The following LCORL variants were observed in gnomAD, a reference collection of about 807,000 sequenced individuals.
LCORL encodes the protein ligand-dependent nuclear receptor corepressor-like protein.
Under a neutral mutation model 141.8 loss-of-function variants are expected in LCORL, and 41 were observed. The ratio of observed to expected loss-of-function variants is 0.29; its 90% confidence interval spans 0.23 to 0.38. LCORL has a LOEUF of 0.38. Among genes scored for constraint, LCORL ranks in the 10% least tolerant of loss-of-function variants. The pLI, the probability that LCORL is intolerant of heterozygous loss-of-function variation, is 1.00. For missense variants in LCORL, 1,759 were observed against 2,035.0 expected (o/e 0.86, Z 2.61); for synonymous variants, 618 against 694.1 (o/e 0.89, Z 1.72).
intron 5 of LCORL, among the ~76,000 whole-genome samples, chr4:17,891,729 A>G (rs1729107869): frequency 6.6e-6 from 1 of 152,234 alleles, no homozygotes; most frequent in African/African-American, 2.4e-5. Flanking sequence ...TTTGATATAC[A>G]GATGATGTAA....
chr4:17,952,657 C>T (rs945365621), intron 4 of LCORL, among the ~76,000 whole-genome samples: 6 of 152,056 alleles, frequency 3.9e-5, no homozygotes, highest in South Asian at 2.1e-4. Flanking sequence ...CCTCGTGATC[C>T]GCCCGCCTCG....
chr4:17,942,571 C>T (rs942649585), intron 4 of LCORL, among the ~76,000 whole-genome samples: 1 of 152,094 alleles, frequency 6.6e-6, no homozygotes, highest in Admixed American at 6.5e-5. Flanking sequence ...AGGATAATTA[C>T]AGAGGCACAG....
At chr4:17,931,525 T>C (rs916031935) in intron 4 of LCORL, among the ~76,000 whole-genome samples, 2 of 152,094 alleles carry the variant, frequency 1.3e-5, no homozygotes, top group African/African-American at 2.4e-5. Flanking sequence ...TTTGTCATTA[T>C]CAATATTTTG....
chr4:17,881,349 C>A, intron 6 of LCORL: 1 of 981,796 alleles, frequency 1.0e-6, no homozygotes, highest in Middle Eastern at 5.2e-4. Flanking sequence ...AATAGAATCA[C>A]TGGGGAGAAG....
intron 1 of LCORL, among the ~76,000 whole-genome samples, chr4:18,006,568 C>T (rs965215013): frequency 1.3e-5 from 2 of 152,098 alleles, no homozygotes; most frequent in African/African-American, 4.8e-5. Flanking sequence ...ATGGGATTTA[C>T]AGTTTGAAGT....
rs545578881 is a variant in LCORL at position 17,850,548 on chromosome 4, C to T, written c.5603-4647G>A. ...AAAAATGCTCACCATCACTGGCCAT[C>T]AGAGAAATGCAAATCAAAACCAGAA... is the stretch of plus-strand genomic sequence containing the variant. On this transcript the variant is annotated intron_variant, in intron 7 of 7. Transcript: ENST00000635767. Among the ~76,000 whole-genome samples the T allele has an allele frequency of 3.7e-3, 567 of 152,324 alleles. 7 individuals carry two copies. The highest frequency in any genetic ancestry group is 0.013 in the African/African-American group (545 of 41,560).
At chr4:17,893,505 G>A (rs1304040542) in intron 5 of LCORL, 4 of 985,226 alleles carry the variant, frequency 4.1e-6, no homozygotes, top group Non-Finnish European at 4.8e-6. Context: ...TGAGCACTGC[G>A]AGTGTGTTTT....
intron 1 of LCORL, among the ~76,000 whole-genome samples, chr4:17,978,176 T>C (rs938581563): frequency 1.3e-5 from 2 of 152,230 alleles, no homozygotes; most frequent in African/African-American, 4.8e-5. Context: ...CTTTTTTGCA[T>C]ATCTAATACT....
chr4:17,987,075 T>C lies in LCORL; in HGVS notation c.155-14190A>G, dbSNP rs1010033236. On this transcript the variant is annotated intron_variant, in intron 1 of 7. Coordinates refer to ENST00000635767, the Ensembl canonical transcript of LCORL. ...GGTTTTCACATGTGGTTCTTTAATATAGTGGAATTAATTTTCTTATAAACT... is the reference window on the plus strand; with the variant it reads ...GGTTTTCACATGTGGTTCTTTAATACAGTGGAATTAATTTTCTTATAAACT... Among the ~76,000 whole-genome samples, 5 of 152,302 alleles carry C rather than the reference T, an allele frequency of 3.3e-5. No homozygotes were observed. The South Asian group carries it at 6.2e-4, about 19-fold the overall frequency.
At chr4:17,933,178 G>A (rs912544625) in intron 4 of LCORL, among the ~76,000 whole-genome samples, 7 of 152,098 alleles carry the variant, frequency 4.6e-5, no homozygotes, top group Admixed American at 1.3e-4. Context: ...TCCCAGGTAT[G>A]TAGTGAGCTA....
exon 7 of LCORL, chr4:17,875,708 T>C: frequency 8.1e-7 from 1 of 1,231,362 alleles, no homozygotes. Context: ...TTCCAATTGG[T>C]CGCTTAATCT....
chr4:17,873,344 G>T lies in LCORL; in HGVS notation c.5602+44C>A, dbSNP rs1726575932. 12 of 1,150,108 alleles carry T rather than the reference G, an allele frequency of 1.0e-5. No homozygotes were observed. In the Admixed American group the frequency reaches 3.0e-4, roughly 28 times the overall value. 71.2% of individuals were successfully genotyped at this position (1,150,108 alleles called of 1,614,324 possible). A position where few individuals can be genotyped will look rare whatever the true frequency, so the allele number is the denominator to read the frequency against. On this transcript the variant is annotated intron_variant, in intron 7 of 7. Coordinates refer to ENST00000635767, the Ensembl canonical transcript of LCORL. ...TTTCTACCTGTTATACTTTACTCAA[G>T]GCACCTACAATGAAACTTTAAAATT... is the stretch of plus-strand genomic sequence containing the variant.
chr4:17,981,621 C>T (rs1008761144), intron 1 of LCORL, among the ~76,000 whole-genome samples: 12 of 151,878 alleles, frequency 7.9e-5, no homozygotes, highest in African/African-American at 2.4e-4. Flanking sequence ...ACCTGTAGTC[C>T]CAGCTACTCA....
rs938544139 is a variant in LCORL at position 18,021,021 on chromosome 4, G to A, written c.154+577C>T. On this transcript the variant is annotated intron_variant, in intron 1 of 7. Coordinates refer to ENST00000635767, the Ensembl canonical transcript of LCORL. The surrounding 1 kb of genome is among the most constrained non-coding windows in gnomAD (Gnocchi z 5.5). Reference sequence around the variant, plus strand: ...CCCCCGCCCCTCGGACGACGCCCCCGCCGCCCCTCGCCCCCAGCCGGCCCA... The same window carrying A: ...CCCCCGCCCCTCGGACGACGCCCCCACCGCCCCTCGCCCCCAGCCGGCCCA... Among the ~76,000 whole-genome samples the A allele has an allele frequency of 9.3e-4, 140 of 151,282 alleles. No individual in the cohort carries two copies. The highest frequency in any genetic ancestry group is 3.1e-3 in the African/African-American group (130 of 41,448).
chr4:17,978,836 C>T (rs537506702), intron 1 of LCORL, among the ~76,000 whole-genome samples: 23 of 152,310 alleles, frequency 1.5e-4, no homozygotes, highest in African/African-American at 5.3e-4. Flanking sequence ...CAGCTCTCTC[C>T]GTTCTGGTAC....
chr4:17,941,281 C>T (rs1411526162), intron 4 of LCORL, among the ~76,000 whole-genome samples: 2 of 152,048 alleles, frequency 1.3e-5, no homozygotes, highest in Admixed American at 6.6e-5. Flanking sequence ...GAGGCTGAGG[C>T]ACTATATATG....
intron 7 of LCORL, among the ~76,000 whole-genome samples, chr4:17,857,267 T>TG (rs940315278): frequency 1.4e-5 from 2 of 142,956 alleles, no homozygotes; most frequent in South Asian, 2.3e-4. Flanking sequence ...GACATGGGGG[T>TG]GGGGGGAGAA....
chr4:17,981,942 T>C (rs1444364692), intron 1 of LCORL, among the ~76,000 whole-genome samples: 1 of 152,112 alleles, frequency 6.6e-6, no homozygotes, highest in Non-Finnish European at 1.5e-5. Flanking sequence ...TGCTCCCCTC[T>C]TTGAATCCAT....
At chr4:17,887,382 G>A (rs1728426628) in intron 5 of LCORL, among the ~76,000 whole-genome samples, 1 of 152,098 alleles carries the variant, frequency 6.6e-6, no homozygotes, top group Non-Finnish European at 1.5e-5. Flanking sequence ...ATAGAGTAAT[G>A]AGGGTGGGGC....
Sources: allele counts gnomAD v4.1 joint callset (sites outside exome capture counted in the v4.1 genomes callset), GRCh38; gene constraint gnomAD v4.1.1; non-coding constraint Gnocchi (gnomAD v3.1); transcripts MANE v1.5; gene names NCBI Gene and HGNC (gene_info 2026-07-23, HGNC 2026-07-21).